Variants in ERC1 observed in about 807,000 individuals in gnomAD.
The protein encoded by ERC1 is RAB6 interacting protein 2.
ERC1 carries 56 observed loss-of-function variants against 132.0 expected under a neutral mutation model. That is an observed-to-expected ratio of 0.42 (90% CI 0.34 to 0.53). The LOEUF (loss-of-function observed/expected upper bound fraction) is 0.53, where lower values mean the gene tolerates loss of function less well. Among genes scored for constraint, ERC1 ranks in the 20% least tolerant of loss-of-function variants. The probability of loss-of-function intolerance (pLI) is 0.03; values close to 1 mark genes in which losing one functional copy is unlikely to be tolerated. For missense variants in ERC1, 1,202 were observed against 1,349.9 expected (o/e 0.89, Z 1.72); for synonymous variants, 478 against 476.1 (o/e 1.00, Z -0.05).
In ERC1 at chr12:1,110,228, G is replaced by C; in HGVS notation, c.1198G>C (p.Asp400His). ...KISSMERGLR[D>H]LEEEIQMLKS... Reference sequence around the variant, plus strand: ...TTCCTCTATGGAGCGTGGGCTTCGAGACCTGGAAGAGGAAATTCAGATGCT... The same window carrying C: ...TTCCTCTATGGAGCGTGGGCTTCGACACCTGGAAGAGGAAATTCAGATGCT... The change falls in exon 5 of 19, where the codon GAC becomes CAC. Residue 400 changes from aspartate to histidine, a missense_variant. Physicochemically the swap from Asp to His is moderately conservative, Grantham distance 81. Coordinates refer to ENST00000360905, the MANE Select transcript of ERC1 (RefSeq NM_178040.4). 6.2e-7 allele frequency: 1 copy of C among 1,613,470 alleles called. No homozygotes were observed. The highest frequency in any genetic ancestry group is 8.5e-7 in the Non-Finnish European group (1 of 1,179,724).
rs148049421 is a variant in ERC1, at chr12:1,369,201, A to G, written c.2781-2632A>G. On this transcript the variant is annotated intron_variant, in intron 15 of 18. Transcript: ENST00000360905. ...CTCAAAACTTTGAAATTAGAAATCT[A>G]AGTTGTCATCTGTTATTTCATATTG... Among the ~76,000 whole-genome samples the G allele has an allele frequency of 1.7e-3, 263 of 152,314 alleles. 1 individual carries two copies. Among genetic ancestry groups the G allele is most frequent in the African/African-American group, 6.0e-3 (248 of 41,562 alleles).
At chr12:1,321,633 C>G (rs1266306651) in intron 15 of ERC1, among the ~76,000 whole-genome samples, 1 of 152,170 alleles carries the variant, frequency 6.6e-6, no homozygotes, top group African/African-American at 2.4e-5. Flanking sequence ...GTATCTTACT[C>G]ATGGCTTTAG....
chr12:1,180,693 C>T lies in ERC1; in HGVS notation c.1875+16C>T, dbSNP rs772516259. 15 of 1,613,764 alleles carry T rather than the reference C, an allele frequency of 9.3e-6. No homozygotes were observed. The highest frequency in any genetic ancestry group is 1.2e-5 in the Non-Finnish European group (14 of 1,179,880). ...TGCAGAGAAAGTGAGTGGCTGGCCC[C>T]AACTCTCCACACACGTTTTCTGCTT... On this transcript the variant is annotated intron_variant, in intron 9 of 18. Coordinates refer to ENST00000360905, the MANE Select transcript of ERC1 (RefSeq NM_178040.4).
chr12:1,133,006 C>T (rs7135523), intron 7 of ERC1, among the ~76,000 whole-genome samples: 84,600 of 151,688 alleles, frequency 0.56, 25,731 homozygotes, highest in East Asian at 0.79. Flanking sequence ...CAGGCATGCA[C>T]CACCACGCCT....
At position 1,003,119 on chromosome 12, in the gene ERC1, C is replaced by CAA. The variant is rs34159893; in HGVS notation, c.-157+11807_-157+11808dup. Among the ~76,000 whole-genome samples, 31 of 84,778 alleles carry CAA rather than the reference C, an allele frequency of 3.7e-4. 1 individual carries two copies. Among genetic ancestry groups the CAA allele is most frequent in the East Asian group, 6.0e-4 (2 of 3,324 alleles). 55.6% of individuals were successfully genotyped at this position (84,778 alleles called of 152,430 possible). On this transcript the variant is annotated intron_variant, in intron 1 of 18. Transcript: ENST00000360905. ...TGCAAAAAAAAAAAAAAAAAAGACT[C>CAA]AAAAAAAAAAAGAGAAAAGAAATGT...
intron 1 of ERC1, among the ~76,000 whole-genome samples, chr12:1,014,048 A>G (rs555770442): frequency 1.3e-5 from 2 of 150,356 alleles, no homozygotes; most frequent in South Asian, 4.2e-4. Flanking sequence ...ACTTCCTGCT[A>G]CTTACAGAGA....
In ERC1 at chr12:1,180,611, C is replaced by T. The variant is rs1426968988; in HGVS notation, c.1809C>T (p.Ser603=). 4 of 1,614,014 alleles carry T rather than the reference C, an allele frequency of 2.5e-6. No homozygotes were observed. Among genetic ancestry groups the T allele is most frequent in the Non-Finnish European group, 3.4e-6 (4 of 1,180,010 alleles). ...QMSSLKERVK[S]LQADTTNTDT... The stretch of plus-strand genomic sequence containing the variant: ...GCAGCTTGAAAGAACGGGTCAAATC[C>T]TTGCAGGCTGACACCACCAACACTG... Residue 603 remains serine, a synonymous_variant, in exon 9 of 19, where the codon TCC becomes TCT. Transcript: ENST00000360905.
At chr12:1,011,405 C>T (rs1248372004) in intron 1 of ERC1, among the ~76,000 whole-genome samples, 8 of 152,148 alleles carry the variant, frequency 5.3e-5, no homozygotes, top group South Asian at 2.1e-4. Context: ...AGGGTCTCTC[C>T]GTATTGCCCA....
chr12:1,299,455 T>TG (rs1371966706), intron 15 of ERC1, among the ~76,000 whole-genome samples: 2 of 152,312 alleles, frequency 1.3e-5, no homozygotes, highest in African/African-American at 4.8e-5. Flanking sequence ...TTGAACTGAA[T>TG]GAAAATTCAA....
intron 7 of ERC1, among the ~76,000 whole-genome samples, chr12:1,117,869 T>C (rs1946621393): frequency 6.6e-6 from 1 of 152,272 alleles, no homozygotes; most frequent in Non-Finnish European, 1.5e-5. Context: ...CAGGGAATTA[T>C]AAATATGAAA....
chr12:1,466,580 C>T (rs558662575), intron 18 of ERC1, among the ~76,000 whole-genome samples: 1 of 152,256 alleles, frequency 6.6e-6, no homozygotes, highest in East Asian at 1.9e-4. Flanking sequence ...AACTGACTGT[C>T]AAACAAGCTC....
chr12:1,292,735 G>C (rs148571921), intron 15 of ERC1, among the ~76,000 whole-genome samples: 56 of 152,334 alleles, frequency 3.7e-4, no homozygotes, highest in African/African-American at 1.3e-3. Context: ...AACAGGCCGG[G>C]CACGGTGGTT....
At chr12:1,435,778 G>A (rs1396954562) in intron 17 of ERC1, among the ~76,000 whole-genome samples, 2 of 152,142 alleles carry the variant, frequency 1.3e-5, no homozygotes, top group Admixed American at 1.3e-4. Context: ...TCCGATGTTA[G>A]CATTAAAGAT....
At position 1,394,031 on chromosome 12, in the gene ERC1, AAACAAAAAAAAAACCAC is replaced by A. The variant is rs2090250246; in HGVS notation, c.2926-14115_2926-14099del. On this transcript the variant is annotated intron_variant, in intron 16 of 18. Transcript: ENST00000360905. ...ACTCCGTCTCAAAAAAAAAAAAAAA[AAACAAAAAAAAAACCAC>A]AAAGCATTAAGCAATTTAATTTCTG... 2.6e-5 allele frequency among the ~76,000 whole-genome samples: 3 copies of A among 114,996 alleles called. 1 individual carries two copies. Among genetic ancestry groups the A allele is most frequent in the Non-Finnish European group, 5.5e-5 (3 of 54,926 alleles). The allele number at this position is 114,996 out of a possible 152,430, so 75.4% of individuals were successfully genotyped here. A position where few individuals can be genotyped will look rare whatever the true frequency, so the allele number is the denominator to read the frequency against.
chr12:1,196,806 TTCTCTCTC>T (rs755412381), intron 12 of ERC1, among the ~76,000 whole-genome samples: 3,464 of 90,330 alleles, frequency 0.038, 175 homozygotes, highest in Admixed American at 0.13. Flanking sequence ...CGCACGCTAT[TTCTCTCTC>T]TCTCTCTCTC....
At chr12:1,150,612 AATG>A (rs1235512416) in intron 8 of ERC1, among the ~76,000 whole-genome samples, 1 of 152,214 alleles carries the variant, frequency 6.6e-6, no homozygotes, top group Non-Finnish European at 1.5e-5. Context: ...CATTGTTAAC[AATG>A]ATAAGTCATT....
At chr12:1,435,753 A>C (rs1320459585) in intron 17 of ERC1, among the ~76,000 whole-genome samples, 2 of 152,160 alleles carry the variant, frequency 1.3e-5, no homozygotes, top group Non-Finnish European at 2.9e-5. Flanking sequence ...AGTGAGAAAC[A>C]GTTTTCTGGC....
At chr12:1,438,954 A>AAAAATATATAT (rs1015181197) in intron 17 of ERC1, among the ~76,000 whole-genome samples, 4 of 143,580 alleles carry the variant, frequency 2.8e-5, no homozygotes, top group East Asian at 3.9e-4. Context: ...TTTAAAAAAA[A>AAAAATATATAT]ATATATATAT....
chr12:1,230,675 C>T (rs1211221507), intron 12 of ERC1, among the ~76,000 whole-genome samples: 1 of 152,154 alleles, frequency 6.6e-6, no homozygotes, highest in Admixed American at 6.5e-5. Context: ...GTAAAGTCCT[C>T]TCTTGTTATT....
Sources: gnomAD v4.1 joint callset for allele counts (sites outside exome capture counted in the v4.1 genomes callset) on GRCh38, gnomAD v4.1.1 for gene constraint, MANE v1.5 for transcripts, NCBI Gene and HGNC (gene_info 2026-07-23, HGNC 2026-07-21) for gene names.